GNG4: variants seen among roughly 807,000 people sequenced by gnomAD.
GNG4 encodes G protein subunit gamma 4, also known as guanine nucleotide-binding protein G(I)/G(S)/G(O) subunit gamma-4.
Under a neutral mutation model 5.8 loss-of-function variants are expected in GNG4, and 4 were observed. The observed-to-expected ratio is 0.69, with a 90% CI of 0.34 to 1.57. The LOEUF (loss-of-function observed/expected upper bound fraction) is 1.57. Among genes scored for constraint, GNG4 ranks in the 40% most tolerant of loss-of-function variants. The pLI, the probability that GNG4 is intolerant of heterozygous loss-of-function variation, is 0.06. For synonymous variants in GNG4, 29 were observed against 32.9 expected, an observed-to-expected ratio of 0.88 and a Z score of 0.41; for missense variants, 96 against 95.1, an observed-to-expected ratio of 1.01 and a Z score of -0.04.
chr1:235,568,156 C>CT (rs748725987), intron 3 of GNG4, among the ~76,000 whole-genome samples: 73 of 67,818 alleles, frequency 1.1e-3, no homozygotes, highest in South Asian at 1.1e-3. Context: ...AATAAATCTG[C>CT]TTTTTTTTTT....
intron 1 of GNG4, among the ~76,000 whole-genome samples, chr1:235,600,676 G>A (rs1191882433): frequency 6.6e-6 from 1 of 152,132 alleles, no homozygotes; most frequent in Non-Finnish European, 1.5e-5. Context: ...TCCCACCTTG[G>A]CATCCCAAAG....
intron 2 of GNG4, among the ~76,000 whole-genome samples, chr1:235,593,693 G>C (rs1212496475): frequency 6.6e-6 from 1 of 152,126 alleles, no homozygotes; most frequent in Non-Finnish European, 1.5e-5. Context: ...GGTCTCGCTG[G>C]CTCAGGAGTG....
chr1:235,594,296 G>C (rs1424988171), intron 2 of GNG4, among the ~76,000 whole-genome samples: 1 of 152,172 alleles, frequency 6.6e-6, no homozygotes, highest in African/African-American at 2.4e-5. Flanking sequence ...GTGCCGATTG[G>C]TGTATTTACA....
chr1:235,633,092 A>T (rs1357851473), intron 1 of GNG4, among the ~76,000 whole-genome samples: 3 of 152,198 alleles, frequency 2.0e-5, no homozygotes, highest in Admixed American at 2.0e-4. Flanking sequence ...AGTGAAAAAA[A>T]ATATAGGACT....
rs144162611 is a variant in GNG4 at position 235,632,048 on chromosome 1, G to A, written c.-123+17614C>T. On this transcript the variant is annotated intron_variant, in intron 1 of 3. Transcript: ENST00000391854. Reference sequence around the variant, plus strand: ...AGGCTTGCTGCTTCCCAGCTGAACAGCCCGTCATGCAGGGCAAGGCTTAGT... The same window carrying A: ...AGGCTTGCTGCTTCCCAGCTGAACAACCCGTCATGCAGGGCAAGGCTTAGT... Among the ~76,000 whole-genome samples the A allele has an allele frequency of 6.4e-3, 970 of 152,344 alleles. 8 individuals are homozygous for A. The highest frequency in any genetic ancestry group is 0.02 in the African/African-American group (845 of 41,576).
intron 3 of GNG4, among the ~76,000 whole-genome samples, chr1:235,573,242 C>T (rs1427794030): frequency 1.3e-5 from 2 of 150,742 alleles, no homozygotes; most frequent in African/African-American, 4.9e-5. Context: ...AAACCAAACG[C>T]CGCATGTTCT....
At chr1:235,635,612 T>G (rs1180939644) in intron 1 of GNG4, among the ~76,000 whole-genome samples, 2 of 152,254 alleles carry the variant, frequency 1.3e-5, no homozygotes, top group Non-Finnish European at 2.9e-5. Context: ...GTGCCATGCT[T>G]GTACAACCTG....
At chr1:235,641,749 C>T (rs192556120) in intron 1 of GNG4, among the ~76,000 whole-genome samples, 13 of 152,104 alleles carry the variant, frequency 8.5e-5, no homozygotes, top group Non-Finnish European at 1.8e-4. Context: ...GTTGGCTCCA[C>T]GTGCATCAGA....
intron 1 of GNG4, among the ~76,000 whole-genome samples, chr1:235,598,563 C>T (rs1383996728): frequency 6.6e-6 from 1 of 152,132 alleles, no homozygotes; most frequent in Non-Finnish European, 1.5e-5. Context: ...GAGCTGTAAT[C>T]ATGCTACTGC....
At chr1:235,561,403 TC>T (rs1687062238) in intron 3 of GNG4, among the ~76,000 whole-genome samples, 2 of 152,114 alleles carry the variant, frequency 1.3e-5, no homozygotes, top group African/African-American at 4.8e-5. Context: ...TCGCGCTCTC[TC>T]TCTCTATATA....
At chr1:235,590,294 A>G (rs1687926219) in intron 2 of GNG4, among the ~76,000 whole-genome samples, 1 of 152,110 alleles carries the variant, frequency 6.6e-6, no homozygotes, top group African/African-American at 2.4e-5. Context: ...CTCTTTACTA[A>G]AAATACAAAA....
intron 2 of GNG4, among the ~76,000 whole-genome samples, chr1:235,593,058 T>C (rs2841894): frequency 0.7 from 106,868 of 151,780 alleles, 39,415 homozygotes; most frequent in African/African-American, 0.92. Context: ...AAGCAATTCT[T>C]CTGCCTCAGC....
intron 1 of GNG4, among the ~76,000 whole-genome samples, chr1:235,609,530 C>T (rs1688432349): frequency 6.6e-6 from 1 of 152,048 alleles, no homozygotes; most frequent in African/African-American, 2.4e-5. Flanking sequence ...TTGTTGGCAT[C>T]ATTTACTTTA....
intron 3 of GNG4, among the ~76,000 whole-genome samples, chr1:235,558,901 A>G (rs1354667616): frequency 6.6e-6 from 1 of 152,220 alleles, no homozygotes; most frequent in Non-Finnish European, 1.5e-5. Flanking sequence ...GTGGAATTTT[A>G]CCATCACATT....
intron 3 of GNG4, among the ~76,000 whole-genome samples, chr1:235,567,539 C>G (rs1007062368): frequency 6.6e-6 from 1 of 152,132 alleles, no homozygotes; most frequent in African/African-American, 2.4e-5. Flanking sequence ...CTCTAGGTAC[C>G]TCATATAGGT....
intron 1 of GNG4, among the ~76,000 whole-genome samples, chr1:235,608,434 C>T (rs1309089914): frequency 1.3e-5 from 2 of 152,172 alleles, no homozygotes; most frequent in South Asian, 2.1e-4. Context: ...CAATGTTGTG[C>T]AACCACCAAC....
rs556860948 is a variant in GNG4 at position 235,589,231 on chromosome 1, T to C, written c.-10-5383A>G. 2.6e-5 allele frequency among the ~76,000 whole-genome samples: 4 copies of C among 152,318 alleles called. No individual in the cohort carries two copies. The South Asian group carries it at 8.3e-4, about 32-fold the overall frequency. On this transcript the variant is annotated intron_variant, in intron 2 of 3. Transcript: ENST00000391854. ...TTGCCCTGCTGACACTGTACAGGCA[T>C]GCTGGCGCCCAGAGAAAGAGCCAAA...
chr1:235,641,948 G>T (rs976987406), intron 1 of GNG4, among the ~76,000 whole-genome samples: 3 of 152,088 alleles, frequency 2.0e-5, no homozygotes, highest in Non-Finnish European at 4.4e-5. Context: ...AACTACTTTT[G>T]ATTTTCTGAC....
intron 3 of GNG4, among the ~76,000 whole-genome samples, chr1:235,568,793 CTTTT>C (rs10625498): frequency 0.049 from 7,066 of 144,620 alleles, 247 homozygotes; most frequent in Middle Eastern, 0.086. Flanking sequence ...TTTTTCTTTC[CTTTT>C]TTTTTTTCTT....
Sources: gnomAD v4.1 joint callset for allele counts (sites outside exome capture counted in the v4.1 genomes callset) on GRCh38, gnomAD v4.1.1 for gene constraint, MANE v1.5 for transcripts, NCBI Gene and HGNC (gene_info 2026-07-23, HGNC 2026-07-21) for gene names.